Variants in TLN2 observed in about 807,000 individuals in gnomAD.
The protein encoded by TLN2 is talin-2.
In TLN2, 118 loss-of-function variants were observed where a neutral mutation model predicts 294.7. The ratio of observed to expected loss-of-function variants is 0.40; its 90% CI spans 0.34 to 0.47. The LOEUF (loss-of-function observed/expected upper bound fraction) is 0.47. TLN2 is among the 20% of genes least tolerant of loss of function. The pLI, the probability that TLN2 is intolerant of heterozygous loss-of-function variation, is 0.84. For synonymous variants in TLN2, 1,431 were observed against 1,304.5 expected (o/e 1.10, Z -2.09); for missense variants, 3,083 against 3,282.2 (o/e 0.94, Z 1.48).
chr15:62,766,336 C>A lies in TLN2; in HGVS notation c.5110C>A (p.Leu1704Met). The A allele has an allele frequency of 4.3e-6, 7 of 1,612,858 alleles. No individual in the cohort carries two copies. Among genetic ancestry groups the A allele is most frequent in the Non-Finnish European group, 5.9e-6 (7 of 1,178,970 alleles). Reference protein sequence around the residue: ...DISVEALQEQLTSVVQEIGHL... With the variant: ...DISVEALQEQMTSVVQEIGHL... ...TCCTTATCAGGCCCTGCAGGAGCAG[C>A]TGACTTCGGTGGTCCAGGAAATCGG... is the stretch of plus-strand genomic sequence containing the variant. The change falls in exon 41 of 59, where the codon CTG becomes ATG. Residue 1704 changes from leucine to methionine, a missense_variant. Physicochemically the swap from Leu to Met is conservative, Grantham distance 15. Transcript: ENST00000636159.
intron 1 of TLN2, among the ~76,000 whole-genome samples, chr15:62,493,586 T>G (rs745600897): frequency 8.6e-5 from 13 of 151,556 alleles, no homozygotes; most frequent in Non-Finnish European, 1.9e-4. Context: ...CGTAGGAAGC[T>G]GGCCCAACAC....
chr15:62,390,989 G>C (rs973841701), intron 1 of TLN2, among the ~76,000 whole-genome samples: 5 of 152,252 alleles, frequency 3.3e-5, no homozygotes, highest in Non-Finnish European at 1.5e-5. Flanking sequence ...CGCAGTCGGC[G>C]CCAGAGAGCG....
intron 1 of TLN2, among the ~76,000 whole-genome samples, chr15:62,432,602 A>G (rs113688843): frequency 1.6e-3 from 245 of 152,350 alleles, no homozygotes; most frequent in African/African-American, 5.5e-3. Context: ...AACCGGAGGC[A>G]TGCTAATGTG....
chr15:62,501,521 G>A (rs368846867), intron 1 of TLN2, among the ~76,000 whole-genome samples: 4 of 152,262 alleles, frequency 2.6e-5, no homozygotes, highest in South Asian at 2.1e-4. Flanking sequence ...ACACTGCCCC[G>A]GGAAAACGTT....
chr15:62,453,657 G>A (rs1045213243), intron 1 of TLN2: 6 of 152,130 alleles, frequency 3.9e-5, no homozygotes, highest in Admixed American at 2.0e-4. Context: ...AGCTGTCCTC[G>A]AATTTATTTT....
chr15:62,738,322 C>T lies in TLN2; in HGVS notation c.3676C>T (p.Leu1226Phe). ...CATCGGGGAGTCCAGCAAGAAGCTG[C>T]TTGTGGATTCGGTGAGAGGTTCTTA... ...KSIGESSKKL[L>F]VDSLPPSTKP... Residue 1226 changes from leucine to phenylalanine, a missense_variant, in exon 30 of 59, where the codon CTT becomes TTT. Transcript: ENST00000636159. 2 of 1,613,948 alleles carry T rather than the reference C, an allele frequency of 1.2e-6. No individual in the cohort carries two copies. Among genetic ancestry groups the T allele is most frequent in the Non-Finnish European group, 1.7e-6 (2 of 1,179,900 alleles).
At chr15:62,758,078 C>A (rs531245404) in intron 37 of TLN2, among the ~76,000 whole-genome samples, 1 of 152,336 alleles carries the variant, frequency 6.6e-6, no homozygotes, top group South Asian at 2.1e-4. Context: ...AAGTTTTATG[C>A]TGCTTAGTGC....
At chr15:62,450,539 A>ATGTGTG (rs1343419231) in intron 1 of TLN2, among the ~76,000 whole-genome samples, 3 of 62,060 alleles carry the variant, frequency 4.8e-5, no homozygotes, top group African/African-American at 1.3e-4. Flanking sequence ...GTATGTATGT[A>ATGTGTG]TGTATGTATG....
chr15:62,503,187 G>A (rs1021432636), intron 1 of TLN2, among the ~76,000 whole-genome samples: 2 of 152,064 alleles, frequency 1.3e-5, no homozygotes, highest in Non-Finnish European at 2.9e-5. Context: ...AGTAATATGT[G>A]TTCATGGTAG....
chr15:62,834,823 T>G (rs774879579), intron 55 of TLN2: 11 of 152,142 alleles, frequency 7.2e-5, no homozygotes, highest in Non-Finnish European at 1.6e-4. Context: ...ATTTCAACAT[T>G]GATAAAGGGC....
intron 41 of TLN2, among the ~76,000 whole-genome samples, chr15:62,770,715 C>T (rs1025234223): frequency 3.3e-5 from 5 of 151,302 alleles, no homozygotes; most frequent in Non-Finnish European, 7.4e-5. Context: ...ATATCTAACT[C>T]TGGATCTTGG....
intron 1 of TLN2, among the ~76,000 whole-genome samples, chr15:62,450,854 A>G (rs116614914): frequency 1.3e-5 from 2 of 151,560 alleles, no homozygotes; most frequent in African/African-American, 4.8e-5. Flanking sequence ...TATAGGCATG[A>G]GCTACCATGC....
chr15:62,722,582 T>C, intron 26 of TLN2, 95 bp downstream of exon 26: 1 of 1,391,894 alleles, frequency 7.2e-7, no homozygotes, highest in Non-Finnish European at 9.4e-7. Context: ...AACCTATTTC[T>C]TGGCAAAGTT....
At chr15:62,632,134 CT>C (rs2049960665) in intron 3 of TLN2, among the ~76,000 whole-genome samples, 1 of 152,218 alleles carries the variant, frequency 6.6e-6, no homozygotes, top group Non-Finnish European at 1.5e-5. Context: ...CCAGCGCCTG[CT>C]TAGAGGCAGT....
At chr15:62,456,703 G>A (rs971550451) in intron 1 of TLN2, among the ~76,000 whole-genome samples, 3 of 146,746 alleles carry the variant, frequency 2.0e-5, no homozygotes, top group African/African-American at 5.0e-5. Context: ...TGGGAATGAG[G>A]GCTTGTCACA....
chr15:62,558,615 C>G (rs942423976), intron 1 of TLN2, among the ~76,000 whole-genome samples: 2 of 152,088 alleles, frequency 1.3e-5, no homozygotes, highest in African/African-American at 4.8e-5. Context: ...GGAAGATACC[C>G]AGGGAATGAG....
At chr15:62,660,172 A>G (rs1324610943) in intron 9 of TLN2, among the ~76,000 whole-genome samples, 1 of 152,218 alleles carries the variant, frequency 6.6e-6, no homozygotes, top group African/African-American at 2.4e-5. Flanking sequence ...GAACAAGGGC[A>G]TATCTTTTAA....
intron 1 of TLN2, among the ~76,000 whole-genome samples, chr15:62,544,367 A>G (rs988711505): frequency 1.3e-5 from 2 of 152,122 alleles, no homozygotes; most frequent in African/African-American, 4.8e-5. Context: ...CCTGTGGGGC[A>G]TCTGCTTCCT....
intron 9 of TLN2, among the ~76,000 whole-genome samples, chr15:62,664,227 A>G (rs1276347049): frequency 1.4e-4 from 2 of 14,422 alleles, no homozygotes; most frequent in Non-Finnish European, 3.4e-3. Flanking sequence ...GATATTAAAA[A>G]AGAAAAAAAA....
Sources: gnomAD v4.1 joint callset for allele counts (sites outside exome capture counted in the v4.1 genomes callset) on GRCh38, gnomAD v4.1.1 for gene constraint, MANE v1.5 for transcripts, NCBI Gene and HGNC (gene_info 2026-07-23, HGNC 2026-07-21) for gene names.